The following MTUS2 variants were observed in gnomAD, a reference collection of about 807,000 sequenced individuals.
MTUS2 encodes microtubule-associated tumor suppressor candidate 2.
MTUS2 carries 40 observed loss-of-function variants against 114.1 expected under a neutral mutation model. That is an observed-to-expected ratio of 0.35 (90% CI 0.27 to 0.46). MTUS2 has a LOEUF of 0.46. MTUS2 is among the 20% of genes least tolerant of loss of function. MTUS2 has a pLI of 1.00. For missense variants in MTUS2, 1,679 were observed against 1,705.4 expected (o/e 0.98, Z 0.27); for synonymous variants, 688 against 672.0 (o/e 1.02, Z -0.37).
intron 2 of MTUS2, among the ~76,000 whole-genome samples, chr13:28,884,274 A>G (rs1297079093): frequency 1.3e-5 from 2 of 152,342 alleles, no homozygotes; most frequent in East Asian, 3.9e-4. Context: ...AACCTTGAGG[A>G]CATGATGCAA....
At chr13:29,426,553 G>A (rs1220609315) in intron 8 of MTUS2, among the ~76,000 whole-genome samples, 2 of 152,102 alleles carry the variant, frequency 1.3e-5, no homozygotes, top group Admixed American at 6.5e-5. Flanking sequence ...CCCAGCCCTT[G>A]GCAGCCACCA....
At position 29,378,982 on chromosome 13, in the gene MTUS2, C is replaced by T. The variant is rs573831852; in HGVS notation, c.3117+19509C>T. On this transcript the variant is annotated intron_variant, in intron 8 of 15. Transcript: ENST00000612955. ...CTGTTCTCATGATGGCAAATGAGTT[C>T]TCACAAGATCTGATGGTTTTATAAA... Among the ~76,000 whole-genome samples the T allele has an allele frequency of 2.6e-5, 4 of 152,248 alleles. No individual in the cohort carries two copies. The East Asian group carries it at 7.7e-4, about 29-fold the overall frequency.
intron 9 of MTUS2, among the ~76,000 whole-genome samples, chr13:29,473,031 G>T (rs1289510758): frequency 6.6e-6 from 1 of 152,042 alleles, no homozygotes; most frequent in Admixed American, 6.5e-5. Flanking sequence ...TTATCTAACT[G>T]TGGTATTGTC....
intron 2 of MTUS2, among the ~76,000 whole-genome samples, chr13:28,873,246 A>G (rs570302277): frequency 6.6e-6 from 1 of 152,196 alleles, no homozygotes; most frequent in Non-Finnish European, 1.5e-5. Flanking sequence ...CCATGGGGGA[A>G]AATTTTCTTC....
intron 2 of MTUS2, among the ~76,000 whole-genome samples, chr13:28,979,667 A>T (rs1448125058): frequency 3.9e-5 from 6 of 152,194 alleles, no homozygotes; most frequent in African/African-American, 7.2e-5. Context: ...CAGTTCCATG[A>T]GGTCTGAAGT....
At chr13:28,946,723 T>G (rs1338637030) in intron 2 of MTUS2, among the ~76,000 whole-genome samples, 1 of 152,168 alleles carries the variant, frequency 6.6e-6, no homozygotes, top group Non-Finnish European at 1.5e-5. Flanking sequence ...GGTTTTTTTT[T>G]TCTTTTTGTG....
chr13:28,869,392 A>T (rs980015489), intron 2 of MTUS2, among the ~76,000 whole-genome samples: 1 of 152,184 alleles, frequency 6.6e-6, no homozygotes, highest in African/African-American at 2.4e-5. Flanking sequence ...TCTACAAGGG[A>T]TAGATTTTGG....
At chr13:28,975,395 C>T (rs1884043060) in intron 2 of MTUS2, among the ~76,000 whole-genome samples, 1 of 152,172 alleles carries the variant, frequency 6.6e-6, no homozygotes. Context: ...TTAGAGTTCT[C>T]CTGGTCCCGG....
intron 1 of MTUS2, among the ~76,000 whole-genome samples, chr13:28,832,319 T>C (rs756865171): frequency 2.6e-5 from 4 of 152,162 alleles, no homozygotes; most frequent in Non-Finnish European, 4.4e-5. Flanking sequence ...ACAGAATATG[T>C]TCCCTGACCA....
At chr13:29,207,901 T>G (rs1566066677) in intron 5 of MTUS2, among the ~76,000 whole-genome samples, 1 of 152,136 alleles carries the variant, frequency 6.6e-6, no homozygotes, top group South Asian at 2.1e-4. Context: ...GTGTGTGATG[T>G]TCTTTCCTGG....
chr13:29,184,550 T>C (rs1894142359), intron 5 of MTUS2, among the ~76,000 whole-genome samples: 1 of 152,198 alleles, frequency 6.6e-6, no homozygotes, highest in Non-Finnish European at 1.5e-5. Context: ...TGTAGACTTC[T>C]TGGCTGAGTG....
Position 29,395,347 on chromosome 13 carries a change from T to C in MTUS2, c.3117+35874T>C, listed in dbSNP as rs1282083788. 2.6e-5 allele frequency among the ~76,000 whole-genome samples: 4 copies of C among 152,242 alleles called. No individual in the cohort carries two copies. In the East Asian group the frequency reaches 5.8e-4, roughly 22 times the overall value. ...TTTCGACCAAGGTGTTGGCGAAGGATGTGGTGAAAGATAAAGTTGGGATGT... is the reference window on the plus strand; with the variant it reads ...TTTCGACCAAGGTGTTGGCGAAGGACGTGGTGAAAGATAAAGTTGGGATGT... On this transcript the variant is annotated intron_variant, in intron 8 of 15. Coordinates refer to ENST00000612955, the MANE Select transcript of MTUS2 (RefSeq NM_001033602.4).
chr13:28,972,365 C>A (rs1179441711), intron 2 of MTUS2, among the ~76,000 whole-genome samples: 2 of 152,176 alleles, frequency 1.3e-5, no homozygotes, highest in Non-Finnish European at 2.9e-5. Flanking sequence ...AATAATTGGT[C>A]CCCACAATGT....
chr13:29,439,686 G>A (rs1157767520), intron 8 of MTUS2, among the ~76,000 whole-genome samples: 2 of 152,096 alleles, frequency 1.3e-5, no homozygotes, highest in Non-Finnish European at 2.9e-5. Flanking sequence ...ATTAATGGGT[G>A]GGACACAAAT....
chr13:29,189,357 A>G (rs1485693018), intron 5 of MTUS2, among the ~76,000 whole-genome samples: 4 of 152,170 alleles, frequency 2.6e-5, no homozygotes, highest in African/African-American at 4.8e-5. Context: ...GGCAGTTATA[A>G]TGTTTAATAT....
chr13:29,034,925 C>G (rs1311569845), intron 4 of MTUS2, among the ~76,000 whole-genome samples: 3 of 152,088 alleles, frequency 2.0e-5, no homozygotes, highest in African/African-American at 7.2e-5. Flanking sequence ...GACAAATGTT[C>G]ACAGTTTTAC....
chr13:28,891,034 A>G (rs1000356313), intron 2 of MTUS2, among the ~76,000 whole-genome samples: 1 of 152,184 alleles, frequency 6.6e-6, no homozygotes, highest in Admixed American at 6.5e-5. Context: ...CATCAGCCCT[A>G]CAAAGTGTCA....
At chr13:28,918,441 G>GT (rs1186510068) in intron 2 of MTUS2, among the ~76,000 whole-genome samples, 2 of 151,888 alleles carry the variant, frequency 1.3e-5, no homozygotes, top group Admixed American at 1.3e-4. Context: ...TCTTCTTACA[G>GT]TTTTTGTCTT....
intron 8 of MTUS2, among the ~76,000 whole-genome samples, chr13:29,398,239 C>G (rs1874055432): frequency 6.6e-6 from 1 of 151,868 alleles, no homozygotes; most frequent in Non-Finnish European, 1.5e-5. Flanking sequence ...GGCGGGTGGA[C>G]CACCTGAGGT....
Sources: gnomAD v4.1 joint callset for allele counts (sites outside exome capture counted in the v4.1 genomes callset) on GRCh38, gnomAD v4.1.1 for gene constraint, MANE v1.5 for transcripts, NCBI Gene and HGNC (gene_info 2026-07-23, HGNC 2026-07-21) for gene names.